Variants in COL21A1 observed in about 807,000 individuals in gnomAD.
COL21A1 encodes the protein collagen alpha-1(XXI) chain.
COL21A1 carries 149 observed loss-of-function variants against 137.9 expected under a neutral mutation model. The observed-to-expected ratio is 1.08, with a 90% CI of 0.95 to 1.24. The LOEUF (loss-of-function observed/expected upper bound fraction) is 1.24. COL21A1 is among the 50% of genes most tolerant of loss of function. The pLI, the probability that COL21A1 is intolerant of heterozygous loss-of-function variation, is 0.00. For missense variants in COL21A1, 1,167 were observed against 1,158.4 expected (o/e 1.01, Z -0.11); for synonymous variants, 456 against 391.5 (o/e 1.16, Z -1.95).
At chr6:56,258,155 A>G (rs1763160955) in intron 1 of COL21A1, among the ~76,000 whole-genome samples, 1 of 152,134 alleles carries the variant, frequency 6.6e-6, no homozygotes, top group Non-Finnish European at 1.5e-5. Context: ...GAAACTTTGG[A>G]GTTTCTGAAA....
At chr6:56,283,986 A>T (rs1183226147) in intron 1 of COL21A1, among the ~76,000 whole-genome samples, 1 of 152,014 alleles carries the variant, frequency 6.6e-6, no homozygotes, top group African/African-American at 2.4e-5. Flanking sequence ...GGGTGAGGTG[A>T]TTTCCTCAAT....
intron 18 of COL21A1, among the ~76,000 whole-genome samples, 163 bp from the exon 19 acceptor site, chr6:56,075,695 C>T (rs1202817399): frequency 1.3e-5 from 2 of 151,382 alleles, no homozygotes; most frequent in African/African-American, 4.8e-5. Context: ...CCTTAAAGAC[C>T]TTGGCATAGA....
At chr6:56,131,238 G>T (rs1041746139) in intron 12 of COL21A1, among the ~76,000 whole-genome samples, 2 of 151,758 alleles carry the variant, frequency 1.3e-5, no homozygotes, top group Admixed American at 1.3e-4. Flanking sequence ...ACTTGCAAAG[G>T]CAAATAATGT....
At chr6:56,114,512 G>A (rs1487642173) in intron 16 of COL21A1, among the ~76,000 whole-genome samples, 1 of 152,188 alleles carries the variant, frequency 6.6e-6, no homozygotes, top group Non-Finnish European at 1.5e-5. Context: ...AGTGGGCGAA[G>A]GACATGAACA....
intron 1 of COL21A1, among the ~76,000 whole-genome samples, chr6:56,232,797 A>C (rs1421460557): frequency 2.6e-5 from 4 of 151,934 alleles, no homozygotes; most frequent in Non-Finnish European, 5.9e-5. Context: ...CAAAATGTTC[A>C]CTACATAGTA....
intron 1 of COL21A1, among the ~76,000 whole-genome samples, chr6:56,373,286 T>C (rs2093993365): frequency 2.6e-5 from 4 of 152,220 alleles, no homozygotes; most frequent in Non-Finnish European, 5.9e-5. Flanking sequence ...AATAAGCTAT[T>C]TTAAAAATTA....
At chr6:56,098,424 TATATAA>T (rs1480007255) in intron 17 of COL21A1, among the ~76,000 whole-genome samples, 7 of 7,158 alleles carry the variant, frequency 9.8e-4, no homozygotes, top group African/African-American at 3.5e-3. Flanking sequence ...AATATATAAA[TATATAA>T]ATATATATAA....
rs779613352 is a variant in COL21A1, at chr6:56,060,016, A to G, written c.2608+2T>C. Reference sequence around the variant, plus strand: ...ATTTTCTTGTTGAAACTAACTGCATACCTTTTAATCCTCTGACACCTGGAC... The same window carrying G: ...ATTTTCTTGTTGAAACTAACTGCATGCCTTTTAATCCTCTGACACCTGGAC... On this transcript the variant is annotated splice_donor_variant, in intron 28 of 29. Coordinates refer to ENST00000244728, the MANE Select transcript of COL21A1 (RefSeq NM_030820.4). LOFTEE classifies it high-confidence loss of function. 1.3e-6 allele frequency: 2 copies of G among 1,588,844 alleles called. No individual in the cohort carries two copies. Among genetic ancestry groups the G allele is most frequent in the Non-Finnish European group, 1.7e-6 (2 of 1,170,630 alleles).
chr6:56,263,969 A>AAC lies in COL21A1; in HGVS notation c.-38-81315_-38-81314dup, dbSNP rs57637593. 1.4e-3 allele frequency among the ~76,000 whole-genome samples: 210 copies of AAC among 150,722 alleles called. 1 individual carries two copies. Among genetic ancestry groups the AAC allele is most frequent in the East Asian group, 5.3e-3 (27 of 5,134 alleles). On this transcript the variant is annotated intron_variant, in intron 1 of 28. Transcript: ENST00000370819. ...ATAAAGAGAACCACTCTCATACACAAACACACACACACACACACAAACACA... is the reference window on the plus strand; with the variant it reads ...ATAAAGAGAACCACTCTCATACACAAACACACACACACACACACACAAACACA...
upstream of COL21A1, among the ~76,000 whole-genome samples, chr6:56,248,284 C>T (rs949847958): frequency 6.6e-6 from 1 of 152,218 alleles, no homozygotes; most frequent in African/African-American, 2.4e-5. Context: ...TTTGCCCTTT[C>T]TTATACACAC....
At chr6:56,216,910 T>C (rs1190831898) in intron 1 of COL21A1, among the ~76,000 whole-genome samples, 1 of 152,046 alleles carries the variant, frequency 6.6e-6, no homozygotes, top group Non-Finnish European at 1.5e-5. Flanking sequence ...ATTAAGAACA[T>C]GAGAATATAT....
At chr6:56,223,650 A>G (rs1781000655) in intron 1 of COL21A1, among the ~76,000 whole-genome samples, 1 of 152,114 alleles carries the variant, frequency 6.6e-6, no homozygotes, top group Non-Finnish European at 1.5e-5. Flanking sequence ...TAATTTTAAA[A>G]AAAACATAAA....
intron 18 of COL21A1, among the ~76,000 whole-genome samples, chr6:56,077,065 A>T (rs925319217): frequency 6.6e-6 from 1 of 151,498 alleles, no homozygotes; most frequent in Non-Finnish European, 1.5e-5. Flanking sequence ...CAAAAAAACC[A>T]TAGAAGAAAA....
intron 1 of COL21A1, among the ~76,000 whole-genome samples, chr6:56,375,485 G>A (rs1053882428): frequency 1.5e-4 from 23 of 152,288 alleles, no homozygotes; most frequent in African/African-American, 5.5e-4. Flanking sequence ...AGTCTTCTCT[G>A]GAAAGGCACG....
Position 56,060,781 on chromosome 6 carries a change from T to G in COL21A1, c.2367A>C (p.Ser789=), listed in dbSNP as rs1765721804. ...TGCAAACTTGTCGAATAAATTGTTC[T>G]GAAAACTCTCTTCCCTGCATCAAAG... ...GLDGKPGREF[S]EQFIRQVCTD... Residue 789 remains serine, a synonymous_variant, in exon 27 of 30, where the codon TCA becomes TCC. Transcript: ENST00000244728. 1 of 1,610,346 alleles carries G rather than the reference T, an allele frequency of 6.2e-7. No individual in the cohort carries two copies. Among genetic ancestry groups the G allele is most frequent in the East Asian group, 2.2e-5 (1 of 44,794 alleles).
chr6:56,309,232 G>A (rs1475276675), intron 1 of COL21A1, among the ~76,000 whole-genome samples: 1 of 151,970 alleles, frequency 6.6e-6, no homozygotes, highest in African/African-American at 2.4e-5. Flanking sequence ...GTAGAGACAG[G>A]GTTTCACCAT....
Position 56,124,062 on chromosome 6 carries a change from C to G in COL21A1, c.1758G>C (p.Lys586Asn). The change falls in exon 16 of 30, where the codon AAG becomes AAC. Residue 586 changes from lysine (K) to asparagine (N), a missense_variant and splice_region_variant. By Grantham distance (94) the Lys-to-Asn change is moderately conservative. Coordinates refer to ENST00000244728, the MANE Select transcript of COL21A1 (RefSeq NM_030820.4). Reference protein sequence around the residue: ...KDGLMGSPGFKGEAGSPGAPG... With the variant: ...KDGLMGSPGFNGEAGSPGAPG... ...TCCTTTTTTTTTTTTTTATAAATAC[C>G]TTGAAACCGGGACTACCCATTAATC... 1.3e-6 allele frequency: 2 copies of G among 1,491,136 alleles called. No homozygotes were observed. Among genetic ancestry groups the G allele is most frequent in the Non-Finnish European group, 1.8e-6 (2 of 1,124,656 alleles). 92.4% of individuals were successfully genotyped at this position (1,491,136 alleles called of 1,614,324 possible).
intron 1 of COL21A1, among the ~76,000 whole-genome samples, chr6:56,363,006 C>T (rs1766010398): frequency 6.6e-6 from 1 of 152,134 alleles, no homozygotes; most frequent in Admixed American, 6.5e-5. Context: ...CAGGGCCAGG[C>T]ACTACCAAAA....
At chr6:56,281,841 C>G (rs1763792422) in intron 1 of COL21A1, among the ~76,000 whole-genome samples, 1 of 152,088 alleles carries the variant, frequency 6.6e-6, no homozygotes, top group Non-Finnish European at 1.5e-5. Context: ...GAGATAAAGC[C>G]TATAATTAAA....
Sources: gnomAD v4.1 joint callset for allele counts (sites outside exome capture counted in the v4.1 genomes callset) on GRCh38, gnomAD v4.1.1 for gene constraint, MANE v1.5 for transcripts, NCBI Gene and HGNC (gene_info 2026-07-23, HGNC 2026-07-21) for gene names.